UTS2: variants seen among roughly 807,000 people sequenced by gnomAD.
UTS2 encodes urotensin 2, also known as urotensin-2.
A neutral mutation model predicts 12.6 loss-of-function variants in UTS2; 10 were observed. The observed-to-expected ratio is 0.80, with a 90% CI of 0.49 to 1.35. The LOEUF is 1.35. UTS2 is among the 40% of genes most tolerant of loss of function. UTS2 has a pLI of 0.00. For missense variants in UTS2, 142 were observed against 143.2 expected (o/e 0.99, Z 0.04); for synonymous variants, 52 against 50.0 (o/e 1.04, Z -0.17).
At chr1:7,904,323 AAT>A in the UTS2 span, among the ~76,000 whole-genome samples, 232 of 145,278 alleles carry the variant, frequency 1.6e-3, 4 homozygotes, top group South Asian at 0.011. Flanking sequence ...AAAAAAAAAA[AAT>A]AATAAGCTGG....
At chr1:7,871,112 G>A in the UTS2 span, among the ~76,000 whole-genome samples, 12 of 152,254 alleles carry the variant, frequency 7.9e-5, no homozygotes, top group Admixed American at 1.3e-4. Context: ...CAGGATAGGC[G>A]ATGAGGGATC....
the UTS2 span, among the ~76,000 whole-genome samples, chr1:7,879,362 G>A: frequency 2.6e-5 from 4 of 152,088 alleles, no homozygotes; most frequent in African/African-American, 7.2e-5. Flanking sequence ...GAGAAACTTT[G>A]GAAACTACAC....
chr1:7,861,593 C>G, the UTS2 span, among the ~76,000 whole-genome samples: 5 of 152,258 alleles, frequency 3.3e-5, no homozygotes, highest in Admixed American at 3.3e-4. Context: ...CTTTTGCACG[C>G]GGTGTCCTCA....
the UTS2 span, among the ~76,000 whole-genome samples, chr1:7,863,105 ATTGTATTGT>A: frequency 7.5e-6 from 1 of 133,954 alleles, no homozygotes; most frequent in African/African-American, 3.0e-5. Flanking sequence ...ATTGTATTGT[ATTGTATTGT>A]ATTGTATTGT....
chr1:7,854,651 T>C (rs1043721897), upstream of UTS2, among the ~76,000 whole-genome samples: 2 of 151,708 alleles, frequency 1.3e-5, no homozygotes, highest in East Asian at 3.9e-4. Flanking sequence ...AGGAAAAAAA[T>C]TGAGACAGGA....
At chr1:7,890,526 A>G in the UTS2 span, among the ~76,000 whole-genome samples, 3 of 152,182 alleles carry the variant, frequency 2.0e-5, no homozygotes, top group Non-Finnish European at 4.4e-5. Context: ...AACACATCCT[A>G]GGGAGATAAT....
the UTS2 span, among the ~76,000 whole-genome samples, chr1:7,904,202 C>T: frequency 0.022 from 3,336 of 151,600 alleles, 118 homozygotes; most frequent in African/African-American, 0.076. Flanking sequence ...TAAAGATGGC[C>T]GAGCACATTA....
the UTS2 span, among the ~76,000 whole-genome samples, chr1:7,880,725 A>T: frequency 1.7e-4 from 26 of 152,340 alleles, no homozygotes; most frequent in South Asian, 6.2e-4. Context: ...ATTCTACCAA[A>T]CTTACAAAGA....
the UTS2 span, among the ~76,000 whole-genome samples, chr1:7,874,074 G>A: frequency 6.6e-6 from 1 of 152,174 alleles, no homozygotes; most frequent in Non-Finnish European, 1.5e-5. Context: ...GGAATTCAGA[G>A]GGAAAGGACA....
At chr1:7,907,485 A>C in the UTS2 span, among the ~76,000 whole-genome samples, 15 of 151,944 alleles carry the variant, frequency 9.9e-5, no homozygotes, top group African/African-American at 3.6e-4. Flanking sequence ...ATCTTTACAA[A>C]AAAATTTAAA....
chr1:7,867,938 G>A, the UTS2 span, among the ~76,000 whole-genome samples: 1 of 152,142 alleles, frequency 6.6e-6, no homozygotes, highest in Non-Finnish European at 1.5e-5. Context: ...AGCTCCCCCA[G>A]TCTGTGGTAT....
In UTS2 at chr1:7,850,875, A is replaced by G; in HGVS notation, c.151T>C (p.Ser51Pro). 1 of 1,614,152 alleles carries G rather than the reference A, an allele frequency of 6.2e-7. No individual in the cohort carries two copies. ...RLTPEELERA[S>P]LLQILPEMLG... is the part of the protein sequence containing the mutation. ...ATCTCTGGCAGTATCTGTAGAAGGG[A>G]AGCTCTTTCTAGCTCCTCCGGAGTT... The change falls in exon 2 of 4, where the codon TCC becomes CCC. Residue 51 changes from serine (S) to proline (P), a missense_variant. Physicochemically the swap from Ser to Pro is moderately conservative, Grantham distance 74. Transcript: ENST00000361696.
At chr1:7,903,922 G>T in the UTS2 span, among the ~76,000 whole-genome samples, 3 of 152,172 alleles carry the variant, frequency 2.0e-5, no homozygotes, top group East Asian at 5.8e-4. Flanking sequence ...TTCAAATTTG[G>T]ATTTCAAAAA....
the UTS2 span, among the ~76,000 whole-genome samples, chr1:7,863,110 ATTGTATTGTATTGTAT>A: frequency 1.5e-5 from 2 of 134,812 alleles, no homozygotes; most frequent in African/African-American, 6.0e-5. Flanking sequence ...ATTGTATTGT[ATTGTATTGTATTGTAT>A]TTGAGACGAA....
At chr1:7,856,101 G>A (rs1638299563), upstream of UTS2, among the ~76,000 whole-genome samples, 1 of 152,028 alleles carries the variant, frequency 6.6e-6, no homozygotes, top group Admixed American at 6.6e-5. Flanking sequence ...GAAGTGCTGG[G>A]ATTCCAGGTG....
At chr1:7,899,764 C>G in the UTS2 span, among the ~76,000 whole-genome samples, 3 of 152,194 alleles carry the variant, frequency 2.0e-5, no homozygotes, top group East Asian at 5.8e-4. Flanking sequence ...AAACAGCAAG[C>G]ATTTGTTATA....
chr1:7,851,300 G>C (rs546347612), intron 1 of UTS2, among the ~76,000 whole-genome samples: 2 of 148,386 alleles, frequency 1.3e-5, no homozygotes, highest in Admixed American at 1.4e-4. Flanking sequence ...AGATATTTGG[G>C]TGGTGACATT....
the UTS2 span, among the ~76,000 whole-genome samples, chr1:7,868,614 G>T: frequency 1.3e-5 from 2 of 152,360 alleles, no homozygotes; most frequent in African/African-American, 2.4e-5. Flanking sequence ...CCATGTCCCT[G>T]TCGCCCTGTG....
the UTS2 span, among the ~76,000 whole-genome samples, chr1:7,898,725 C>T: frequency 2.6e-5 from 4 of 152,058 alleles, no homozygotes; most frequent in African/African-American, 9.7e-5. Context: ...GATCCACCCA[C>T]CTCGGCCTCC....
Sources: gnomAD v4.1 joint callset for allele counts (sites outside exome capture counted in the v4.1 genomes callset) on GRCh38, gnomAD v4.1.1 for gene constraint, MANE v1.5 for transcripts, NCBI Gene and HGNC (gene_info 2026-07-23, HGNC 2026-07-21) for gene names.